F13A1: variants seen among roughly 807,000 people sequenced by gnomAD.
The protein encoded by F13A1 is coagulation factor XIII A chain, also known as FSF, A subunit.
A neutral mutation model predicts 80.1 loss-of-function variants in F13A1; 47 were observed. The observed-to-expected ratio is 0.59, with a 90% CI of 0.46 to 0.75. F13A1 has a LOEUF of 0.75. Among genes scored for constraint, F13A1 ranks in the 30% least tolerant of loss-of-function variants. The pLI is 0.00. For missense variants in F13A1, 817 were observed against 930.4 expected (o/e 0.88, Z 1.59); for synonymous variants, 349 against 344.9 (o/e 1.01, Z -0.13).
At chr6:6,153,330 A>G (rs1370124628) in intron 13 of F13A1, among the ~76,000 whole-genome samples, 3 of 152,240 alleles carry the variant, frequency 2.0e-5, no homozygotes, top group Non-Finnish European at 4.4e-5. Flanking sequence ...GCTACAGTCA[A>G]GAATAAAATC....
At chr6:6,208,264 A>G (rs752049388) in intron 8 of F13A1, among the ~76,000 whole-genome samples, 7 of 152,230 alleles carry the variant, frequency 4.6e-5, no homozygotes, top group Non-Finnish European at 1.0e-4. Context: ...AAAATTCACT[A>G]GTTTCAACAG....
chr6:6,188,317 G>A (rs1395352430), intron 10 of F13A1, among the ~76,000 whole-genome samples: 150 of 147,138 alleles, frequency 1.0e-3, no homozygotes, highest in African/African-American at 3.6e-3. Flanking sequence ...GTGATGTTAG[G>A]GTGTCAATTT....
At chr6:6,154,468 C>T (rs1583045323) in intron 13 of F13A1, among the ~76,000 whole-genome samples, 2 of 152,260 alleles carry the variant, frequency 1.3e-5, no homozygotes, top group African/African-American at 2.4e-5. Flanking sequence ...GTGCCAGGTA[C>T]GATGTTAAGC....
intron 12 of F13A1, among the ~76,000 whole-genome samples, chr6:6,174,207 T>C (rs1054040288): frequency 3.9e-5 from 6 of 152,046 alleles, no homozygotes; most frequent in African/African-American, 1.4e-4. Flanking sequence ...CTGGCCAACA[T>C]AGTGAAATCC....
At chr6:6,217,896 C>T (rs987337243) in intron 8 of F13A1, among the ~76,000 whole-genome samples, 1 of 152,180 alleles carries the variant, frequency 6.6e-6, no homozygotes, top group East Asian at 1.9e-4. Context: ...TAAGACCACC[C>T]ATTGCAGCAT....
At chr6:6,200,892 T>C (rs1010726722) in intron 8 of F13A1, among the ~76,000 whole-genome samples, 2 of 152,094 alleles carry the variant, frequency 1.3e-5, no homozygotes, top group African/African-American at 4.8e-5. Context: ...AGAGCCTCCA[T>C]CTTTGCTTGG....
chr6:6,228,840 T>G (rs1414070433), intron 6 of F13A1, among the ~76,000 whole-genome samples: 1 of 150,334 alleles, frequency 6.7e-6, no homozygotes, highest in Non-Finnish European at 1.5e-5. Flanking sequence ...TTAAAAGAGG[T>G]AGAGATTCTG....
At chr6:6,287,928 C>T (rs1284282912) in intron 3 of F13A1, among the ~76,000 whole-genome samples, 8 of 152,112 alleles carry the variant, frequency 5.3e-5, no homozygotes, top group Middle Eastern at 3.2e-3. Context: ...GTCTTTGCCA[C>T]CAGGAGACAA....
At chr6:6,150,131 C>T (rs1203838452) in intron 14 of F13A1, among the ~76,000 whole-genome samples, 1 of 152,042 alleles carries the variant, frequency 6.6e-6, no homozygotes, top group African/African-American at 2.4e-5. Context: ...GAGAAGTTTC[C>T]GGTACACTCA....
chr6:6,283,468 A>G (rs1305518051), intron 3 of F13A1, among the ~76,000 whole-genome samples: 1 of 152,244 alleles, frequency 6.6e-6, no homozygotes, highest in Non-Finnish European at 1.5e-5. Flanking sequence ...GCTCATAGGT[A>G]GTACACACTA....
chr6:6,191,215 G>A (rs1761191773), intron 10 of F13A1, among the ~76,000 whole-genome samples: 2 of 152,180 alleles, frequency 1.3e-5, no homozygotes, highest in South Asian at 2.1e-4. Flanking sequence ...GCTGTAGACT[G>A]GAGCTGTTCC....
chr6:6,223,511 C>T (rs779782980), intron 7 of F13A1, among the ~76,000 whole-genome samples: 7 of 152,100 alleles, frequency 4.6e-5, no homozygotes, highest in East Asian at 3.9e-4. Flanking sequence ...CATGAAGTTC[C>T]GGCTTCTATC....
At chr6:6,290,831 G>A (rs1181165464) in intron 3 of F13A1, among the ~76,000 whole-genome samples, 1 of 152,150 alleles carries the variant, frequency 6.6e-6, no homozygotes, top group African/African-American at 2.4e-5. Context: ...GATGAAATAG[G>A]CTGTCTATTT....
intron 3 of F13A1, among the ~76,000 whole-genome samples, chr6:6,303,989 C>A (rs1468992429): frequency 6.6e-6 from 1 of 152,146 alleles, no homozygotes; most frequent in Non-Finnish European, 1.5e-5. Context: ...CATACACAAT[C>A]ATAGTATTAG....
chr6:6,318,509 G>C, intron 2 of F13A1, 26 bp downstream of exon 2: 1 of 1,606,372 alleles, frequency 6.2e-7, no homozygotes, highest in South Asian at 1.1e-5. Context: ...GACCCAGAGT[G>C]GTGGGGAAGG....
chr6:6,210,247 A>G (rs1761578589), intron 8 of F13A1, among the ~76,000 whole-genome samples: 2 of 146,500 alleles, frequency 1.4e-5, no homozygotes. Flanking sequence ...AATAATACAT[A>G]AATAAAAATA....
intron 2 of F13A1, 71 bp downstream of exon 2, chr6:6,318,464 T>G: frequency 6.5e-7 from 1 of 1,532,190 alleles, no homozygotes; most frequent in Non-Finnish European, 8.7e-7. Context: ...GATGTTTACC[T>G]GCAGGGAAGA....
chr6:6,232,230 ATAAACT>A (rs1053877796), intron 6 of F13A1, among the ~76,000 whole-genome samples: 18 of 152,186 alleles, frequency 1.2e-4, no homozygotes, highest in Non-Finnish European at 2.4e-4. Flanking sequence ...AAGGACTCAC[ATAAACT>A]TAAAGTAAAG....
intron 3 of F13A1, among the ~76,000 whole-genome samples, chr6:6,284,686 C>T (rs1758111401): frequency 6.6e-6 from 1 of 152,180 alleles, no homozygotes; most frequent in Non-Finnish European, 1.5e-5. Context: ...GGAAATATTT[C>T]CTTCTCACTA....
Sources: gnomAD v4.1 joint callset for allele counts (sites outside exome capture counted in the v4.1 genomes callset) on GRCh38, gnomAD v4.1.1 for gene constraint, MANE v1.5 for transcripts, NCBI Gene and HGNC (gene_info 2026-07-23, HGNC 2026-07-21) for gene names.